The following TCHP variants were observed in gnomAD, a reference collection of about 807,000 sequenced individuals.
TCHP encodes the protein trichoplein keratin filament binding, also known as trichoplein keratin filament-binding protein.
TCHP carries 81 observed loss-of-function variants against 88.7 expected under a neutral mutation model. That is an observed-to-expected ratio of 0.91 (90% confidence interval 0.76 to 1.10). TCHP has a LOEUF of 1.10. Ranked by LOEUF, TCHP falls within the 50% of genes least tolerant of loss-of-function variation. The probability of loss-of-function intolerance (pLI) is 0.00; values close to 1 mark genes in which losing one functional copy is unlikely to be tolerated. For synonymous variants in TCHP, 232 were observed against 232.5 expected (o/e 1.00, Z 0.02); for missense variants, 641 against 632.1 (o/e 1.01, Z -0.15).
At position 109,905,618 on chromosome 12, in the gene TCHP, T is replaced by C. The variant is rs760587185; in HGVS notation, c.456+825T>C. Among the ~76,000 whole-genome samples the C allele has an allele frequency of 3.9e-5, 6 of 152,182 alleles. No individual in the cohort carries two copies. Among genetic ancestry groups the C allele is most frequent in the Non-Finnish European group, 7.3e-5 (5 of 68,042 alleles). ...GCAGGGAGATCATCCCTCACTGTTA[T>C]TCATTTATTTTCAACTTACAGTTTT... is the stretch of plus-strand genomic sequence containing the variant. On this transcript the variant is annotated intron_variant, in intron 4 of 12. Transcript: ENST00000405876. The surrounding 1 kb of genome is among the most constrained non-coding windows in gnomAD (Gnocchi z 4.0).
At chr12:109,886,283 G>A in the TCHP span, among the ~76,000 whole-genome samples, 11 of 151,998 alleles carry the variant, frequency 7.2e-5, no homozygotes, top group Middle Eastern at 3.2e-3. Context: ...GATTACAGTC[G>A]TCTGCCACCA....
At chr12:109,894,762 T>G in the TCHP span, among the ~76,000 whole-genome samples, 1 of 84,834 alleles carries the variant, frequency 1.2e-5, no homozygotes, top group Non-Finnish European at 2.1e-5. Flanking sequence ...CGAAACTCTG[T>G]CCCAAAAAAA....
At chr12:109,888,428 A>C in the TCHP span, 2 of 152,216 alleles carry the variant, frequency 1.3e-5, no homozygotes, top group African/African-American at 4.8e-5. Flanking sequence ...CAGCTTGACC[A>C]ATGGAGTTGT....
At chr12:109,894,459 T>A in the TCHP span, among the ~76,000 whole-genome samples, 2 of 115,012 alleles carry the variant, frequency 1.7e-5, no homozygotes. Context: ...CAAGACTCCG[T>A]CTCAAAAAAA....
chr12:109,911,074 G>A lies in TCHP; in HGVS notation c.891G>A (p.Arg297=), dbSNP rs1010245061. The change falls in exon 9 of 13, where the codon AGG becomes AGA. Residue 297 remains arginine (R), a synonymous_variant. Coordinates refer to ENST00000405876, the MANE Select transcript of TCHP (RefSeq NM_001143852.2). ...QQIQEELEAD[R]RILQALLEKE... ...TCTGCTTCCTCTAGGAGGCAGACAG[G>A]CGGATCCTGCAGGCCCTCCTCGAGA... is the stretch of plus-strand genomic sequence containing the variant. The A allele has an allele frequency of 1.3e-6, 2 of 1,582,608 alleles. No homozygotes were observed. Among genetic ancestry groups the A allele is most frequent in the Non-Finnish European group, 1.7e-6 (2 of 1,164,648 alleles).
At chr12:109,898,205 T>A (rs970229994), upstream of TCHP, among the ~76,000 whole-genome samples, 2 of 152,088 alleles carry the variant, frequency 1.3e-5, no homozygotes, top group Non-Finnish European at 2.9e-5. Context: ...AGCTGCACTA[T>A]TTTTTGTTTT....
chr12:109,907,244 A>T (rs1259835413), intron 5 of TCHP, among the ~76,000 whole-genome samples: 2 of 152,162 alleles, frequency 1.3e-5, no homozygotes, highest in African/African-American at 2.4e-5. Flanking sequence ...CTGCATCGTA[A>T]ACTCGCAGCC....
chr12:109,902,243 T>C (rs1869840426), intron 1 of TCHP, among the ~76,000 whole-genome samples: 1 of 152,166 alleles, frequency 6.6e-6, no homozygotes, highest in African/African-American at 2.4e-5. Flanking sequence ...CTATCATGGC[T>C]CGCTACAGCC....
chr12:109,909,961 T>C (rs1236660194), intron 8 of TCHP, among the ~76,000 whole-genome samples: 5 of 151,920 alleles, frequency 3.3e-5, no homozygotes, highest in Non-Finnish European at 7.4e-5. Flanking sequence ...GCGAGACTTC[T>C]CTCAAAACAA....
chr12:109,914,581 A>C lies in TCHP; in HGVS notation c.1274A>C (p.Glu425Ala), dbSNP rs768760264. The C allele has an allele frequency of 3.7e-6, 6 of 1,613,352 alleles. No homozygotes were observed. Among genetic ancestry groups the C allele is most frequent in the Non-Finnish European group, 5.1e-6 (6 of 1,179,976 alleles). ...VRELARREKE[E>A]SEKLKSARKQ... ...GAGTTGGCTCGTCGCGAGAAAGAGGAGAGTGAAAAGCTGAAATCGGCCAGG... is the reference window on the plus strand; with the variant it reads ...GAGTTGGCTCGTCGCGAGAAAGAGGCGAGTGAAAAGCTGAAATCGGCCAGG... The change falls in exon 11 of 13, where the codon GAG becomes GCG. Residue 425 changes from glutamate (E) to alanine (A), a missense_variant. By Grantham distance (107) the Glu-to-Ala change is moderately radical. Transcript: ENST00000405876.
intron 6 of TCHP, among the ~76,000 whole-genome samples, chr12:109,908,207 A>G (rs1825001009): frequency 6.6e-6 from 1 of 152,196 alleles, no homozygotes; most frequent in Non-Finnish European, 1.5e-5. Context: ...TGATTTAGCA[A>G]CTACATTCTT....
rs765407771 is a variant in TCHP at position 109,908,721 on chromosome 12, A to G, written c.812+23A>G. ...GGGGTGTGTGTCAGAAGGGCCCCCC[A>G]CTCTTCCCAGGCGGGTGGGCCTCTT... On this transcript the variant is annotated intron_variant, in intron 7 of 12. Coordinates refer to ENST00000405876, the MANE Select transcript of TCHP (RefSeq NM_001143852.2). 7 of 1,576,014 alleles carry G rather than the reference A, an allele frequency of 4.4e-6. No homozygotes were observed. The East Asian group carries it at 9.1e-5, about 20-fold the overall frequency.
chr12:109,915,481 C>A lies in TCHP; in HGVS notation c.1399C>A (p.Gln467Lys). 2 of 1,614,102 alleles carry A rather than the reference C, an allele frequency of 1.2e-6. No individual in the cohort carries two copies. Among genetic ancestry groups the A allele is most frequent in the Non-Finnish European group, 1.7e-6 (2 of 1,180,006 alleles). Residue 467 changes from glutamine (Q) to lysine (K), a missense_variant, in exon 12 of 13, where the codon CAG (glutamine) becomes AAG (lysine). Gln to Lys is a moderately conservative substitution (Grantham distance 53). Coordinates refer to ENST00000405876, the MANE Select transcript of TCHP (RefSeq NM_001143852.2). The part of the protein sequence containing the change: ...EEEEEARRVE[Q>K]LSDALLQQEA... ...AGAGGAGGAGGCCCGGCGGGTCGAG[C>A]AGCTCTCAGATGCCCTGCTGCAGCA...
the TCHP span, among the ~76,000 whole-genome samples, chr12:109,885,873 G>A: frequency 6.6e-6 from 1 of 151,834 alleles, no homozygotes; most frequent in Non-Finnish European, 1.5e-5. Flanking sequence ...GAACTCCTGA[G>A]CTCAAGAAAT....
chr12:109,902,030 T>C (rs1450393461), intron 1 of TCHP, among the ~76,000 whole-genome samples: 2 of 152,254 alleles, frequency 1.3e-5, no homozygotes, highest in Non-Finnish European at 2.9e-5. Flanking sequence ...ATACATGTGT[T>C]CCTTACATTA....
the TCHP span, among the ~76,000 whole-genome samples, chr12:109,889,761 G>A: frequency 2.0e-5 from 3 of 152,228 alleles, no homozygotes; most frequent in Non-Finnish European, 2.9e-5. Context: ...GATTTACGGA[G>A]TTATTTCTAC....
rs555773863 is a variant in TCHP at position 109,914,647 on chromosome 12, C to T, written c.1320+20C>T. 311 of 1,594,698 alleles carry T rather than the reference C, an allele frequency of 2.0e-4. 1 individual carries two copies. The South Asian group carries it at 2.7e-3, about 14-fold the overall frequency. On this transcript the variant is annotated intron_variant, in intron 11 of 12. Coordinates refer to ENST00000405876, the MANE Select transcript of TCHP (RefSeq NM_001143852.2). ...GCCCAGGTAGGGCTGAGCCCAAGGG[C>T]GGGAGGCACCGGGCCTGCCAGGTTC...
intron 8 of TCHP, among the ~76,000 whole-genome samples, chr12:109,909,374 T>C (rs1244472535): frequency 6.6e-6 from 1 of 152,242 alleles, no homozygotes; most frequent in Admixed American, 6.5e-5. Flanking sequence ...GACCAGCACC[T>C]GCAATCTCTG....
upstream of TCHP, among the ~76,000 whole-genome samples, chr12:109,895,548 G>T (rs569173285): frequency 2.6e-5 from 4 of 152,028 alleles, no homozygotes; most frequent in African/African-American, 9.7e-5. Context: ...ACACAAAGCT[G>T]GGGCTCTGAG....
Sources: allele counts gnomAD v4.1 joint callset (sites outside exome capture counted in the v4.1 genomes callset), GRCh38; gene constraint gnomAD v4.1.1; non-coding constraint Gnocchi (gnomAD v3.1); transcripts MANE v1.5; gene names NCBI Gene and HGNC (gene_info 2026-07-23, HGNC 2026-07-21).